Variants in LRMDA observed in about 807,000 individuals in gnomAD.
LRMDA encodes the protein leucine rich melanocyte differentiation associated.
Under a neutral mutation model 29.8 loss-of-function variants are expected in LRMDA, and 18 were observed. That is an observed-to-expected ratio of 0.60 (90% confidence interval 0.42 to 0.90). The LOEUF is 0.90. Among genes scored for constraint, LRMDA ranks in the 40% least tolerant of loss-of-function variants. LRMDA has a pLI of 0.00. For synonymous variants in LRMDA, 125 were observed against 109.4 expected (o/e 1.14, Z -0.89); for missense variants, 273 against 273.9 (o/e 1.00, Z 0.02).
chr10:76,053,085 C>A (rs1289685681), intron 4 of LRMDA, among the ~76,000 whole-genome samples: 5 of 152,160 alleles, frequency 3.3e-5, no homozygotes, highest in African/African-American at 4.8e-5. Flanking sequence ...TAGTAGCTGT[C>A]TCTTCCTTCA....
intron 2 of LRMDA, among the ~76,000 whole-genome samples, chr10:75,590,310 C>T (rs1289944752): frequency 3.3e-5 from 5 of 152,192 alleles, no homozygotes; most frequent in Non-Finnish European, 7.3e-5. Flanking sequence ...TGAGCCACCA[C>T]ACCCAGCCGG....
At position 75,919,077 on chromosome 10, in the gene LRMDA, G is replaced by A. The variant is rs549306161; in HGVS notation, c.132-116931G>A. On this transcript the variant is annotated intron_variant, in intron 2 of 6. Coordinates refer to ENST00000611255, the MANE Select transcript of LRMDA (RefSeq NM_001305581.2). ...ACAAGGGCCGTAGGAAGTAGGTGCC[G>A]TTATTAATGTCTATTTTAGACAGGA... 3.0e-4 allele frequency among the ~76,000 whole-genome samples: 46 copies of A among 152,318 alleles called. No individual in the cohort carries two copies. In the East Asian group the frequency reaches 4.8e-3, roughly 16 times the overall value.
At chr10:75,562,433 G>A (rs551982345) in intron 2 of LRMDA, among the ~76,000 whole-genome samples, 137 of 152,186 alleles carry the variant, frequency 9.0e-4, no homozygotes, top group African/African-American at 2.9e-3. Flanking sequence ...GTCTCTGCAC[G>A]TGAGATGGGT....
intron 2 of LRMDA, among the ~76,000 whole-genome samples, chr10:75,608,803 T>C (rs1237082292): frequency 6.6e-6 from 1 of 152,156 alleles, no homozygotes; most frequent in East Asian, 1.9e-4. Context: ...ATGTTTGCAC[T>C]TCACACCAGG....
At chr10:75,783,349 T>C (rs1293455526) in intron 2 of LRMDA, among the ~76,000 whole-genome samples, 1 of 152,192 alleles carries the variant, frequency 6.6e-6, no homozygotes, top group Non-Finnish European at 1.5e-5. Flanking sequence ...GTGGTCATCA[T>C]CTTGCATGCT....
intron 5 of LRMDA, among the ~76,000 whole-genome samples, chr10:76,060,189 G>A (rs993435426): frequency 2.6e-5 from 4 of 152,098 alleles, no homozygotes; most frequent in Admixed American, 6.6e-5. Flanking sequence ...TAAATAACCT[G>A]CCCACCCTAC....
chr10:75,448,352 C>G (rs774688140), intron 2 of LRMDA, among the ~76,000 whole-genome samples: 1 of 152,076 alleles, frequency 6.6e-6, no homozygotes, highest in Non-Finnish European at 1.5e-5. Context: ...GAATTTGGGC[C>G]GCACTGCCCC....
At chr10:76,231,567 ACCTCATCGATGTTTTT>A (rs1339021071) in intron 5 of LRMDA, among the ~76,000 whole-genome samples, 3 of 152,180 alleles carry the variant, frequency 2.0e-5, no homozygotes, top group Non-Finnish European at 2.9e-5. Context: ...GCCTTTTCAT[ACCTCATCGATGTTTTT>A]CCTCCCCAAC....
At chr10:76,114,403 A>G (rs1440516469) in intron 5 of LRMDA, among the ~76,000 whole-genome samples, 1 of 152,142 alleles carries the variant, frequency 6.6e-6, no homozygotes, top group Non-Finnish European at 1.5e-5. Context: ...CATTCACCCC[A>G]AAATATCCAT....
At chr10:75,841,989 G>A (rs1183288608) in intron 2 of LRMDA, among the ~76,000 whole-genome samples, 1 of 152,166 alleles carries the variant, frequency 6.6e-6, no homozygotes, top group Non-Finnish European at 1.5e-5. Context: ...CTTGTTTAAA[G>A]TTCCTCAGTT....
chr10:75,608,304 A>G (rs1840984860), intron 2 of LRMDA, among the ~76,000 whole-genome samples: 1 of 152,030 alleles, frequency 6.6e-6, no homozygotes. Flanking sequence ...AGCAGAGACT[A>G]GAATGGTTGT....
chr10:75,963,174 C>T (rs980822089), intron 2 of LRMDA, among the ~76,000 whole-genome samples: 1 of 152,154 alleles, frequency 6.6e-6, no homozygotes, highest in Non-Finnish European at 1.5e-5. Context: ...ATGACAGGAA[C>T]CAAAGTTTAC....
intron 3 of LRMDA, among the ~76,000 whole-genome samples, chr10:76,039,639 C>G (rs889794055): frequency 2.0e-5 from 3 of 152,286 alleles, no homozygotes; most frequent in South Asian, 2.1e-4. Flanking sequence ...TGGTTAAGAA[C>G]AACAGGCTCT....
intron 6 of LRMDA, among the ~76,000 whole-genome samples, chr10:76,350,618 C>T (rs1464262014): frequency 1.3e-5 from 2 of 151,922 alleles, no homozygotes; most frequent in Non-Finnish European, 1.5e-5. Flanking sequence ...CATTTGAGTT[C>T]CTGTATCTCT....
chr10:75,528,851 T>C (rs569143021), intron 2 of LRMDA, among the ~76,000 whole-genome samples: 5 of 152,240 alleles, frequency 3.3e-5, no homozygotes, highest in African/African-American at 1.2e-4. Context: ...TAAAACGAGA[T>C]AGCATAGCAC....
At chr10:76,396,304 T>G (rs1841783079) in intron 6 of LRMDA, among the ~76,000 whole-genome samples, 1 of 152,172 alleles carries the variant, frequency 6.6e-6, no homozygotes, top group South Asian at 2.1e-4. Context: ...TATTCAACAG[T>G]AGGTTGACAT....
At chr10:75,708,636 G>A (rs1842399412) in intron 2 of LRMDA, among the ~76,000 whole-genome samples, 1 of 152,092 alleles carries the variant, frequency 6.6e-6, no homozygotes, top group African/African-American at 2.4e-5. Flanking sequence ...CAAGGCACAG[G>A]AGATAGGAGA....
At chr10:75,877,966 C>T (rs1008904637) in intron 2 of LRMDA, among the ~76,000 whole-genome samples, 1 of 152,140 alleles carries the variant, frequency 6.6e-6, no homozygotes. Context: ...AGGGGTGTGG[C>T]TCGCTTCTTT....
chr10:76,405,539 C>G (rs1325022266), intron 6 of LRMDA, among the ~76,000 whole-genome samples: 1 of 152,154 alleles, frequency 6.6e-6, no homozygotes, highest in Non-Finnish European at 1.5e-5. Context: ...CCCAAGTAGA[C>G]AGTTCTCGCC....
Sources: allele counts gnomAD v4.1 joint callset (sites outside exome capture counted in the v4.1 genomes callset), GRCh38; gene constraint gnomAD v4.1.1; transcripts MANE v1.5; gene names NCBI Gene and HGNC (gene_info 2026-07-23, HGNC 2026-07-21).